The following ENTPD5 variants were observed in gnomAD, a reference collection of about 807,000 sequenced individuals.
The protein encoded by ENTPD5 is ectonucleoside triphosphate diphosphohydrolase 5 (inactive).
Under a neutral mutation model 60.2 loss-of-function variants are expected in ENTPD5, and 49 were observed. The observed-to-expected ratio is 0.81, with a 90% CI of 0.65 to 1.03. The LOEUF (loss-of-function observed/expected upper bound fraction) is 1.03, where lower values mean the gene tolerates loss of function less well. Among genes scored for constraint, ENTPD5 ranks in the 50% least tolerant of loss-of-function variants. The pLI is 0.00. For synonymous variants in ENTPD5, 187 were observed against 185.4 expected (o/e 1.01, Z -0.07); for missense variants, 480 against 507.6 (o/e 0.95, Z 0.52).
chr14:73,967,639 T>G (rs975438715), intron 15 of ENTPD5, among the ~76,000 whole-genome samples: 2 of 150,864 alleles, frequency 1.3e-5, no homozygotes, highest in African/African-American at 4.9e-5. Flanking sequence ...AAACCCCGTC[T>G]CTACAAAAAA....
intron 3 of ENTPD5, among the ~76,000 whole-genome samples, chr14:74,000,710 C>G (rs778939905): frequency 6.7e-6 from 1 of 149,942 alleles, no homozygotes; most frequent in Non-Finnish European, 1.5e-5. Context: ...ACCTGGGAGG[C>G]GAGGCTGCAG....
chr14:73,999,347 G>T (rs775667109), intron 3 of ENTPD5, among the ~76,000 whole-genome samples: 5 of 151,928 alleles, frequency 3.3e-5, no homozygotes, highest in Non-Finnish European at 7.4e-5. Flanking sequence ...AATTAGCCAG[G>T]TGTGGTGGCA....
chr14:73,972,873 G>A lies in ENTPD5; in HGVS notation c.1027+11C>T. The A allele has an allele frequency of 5.0e-6, 8 of 1,613,592 alleles. No homozygotes were observed. The highest frequency in any genetic ancestry group is 6.8e-6 in the Non-Finnish European group (8 of 1,179,680). On this transcript the variant is annotated intron_variant, in intron 13 of 15. Coordinates refer to ENST00000334696, the MANE Select transcript of ENTPD5 (RefSeq NM_001249.5). ...CCTTCCTCTCTGGACTGACACCTGG[G>A]GTGAACTCACCAATCATGTCTGTGT...
At chr14:73,960,886 G>A (rs750293317), downstream of ENTPD5, 1 of 508,670 alleles carries the variant, frequency 2.0e-6, no homozygotes, top group Non-Finnish European at 3.6e-6. Flanking sequence ...TGTGTGATGA[G>A]CTATACTGTG....
chr14:74,005,004 A>C (rs1285265237), intron 3 of ENTPD5, among the ~76,000 whole-genome samples: 2 of 152,142 alleles, frequency 1.3e-5, no homozygotes. Context: ...TATTTCAATA[A>C]ACACATCTTA....
chr14:73,955,834 A>T, downstream of ENTPD5: 2 of 1,614,066 alleles, frequency 1.2e-6, no homozygotes, highest in Non-Finnish European at 1.7e-6. Flanking sequence ...AGGCCCTGAT[A>T]ATGTTTGATA....
intron 1 of ENTPD5, among the ~76,000 whole-genome samples, chr14:74,016,740 T>TCA (rs977984840): frequency 2.0e-5 from 3 of 152,206 alleles, no homozygotes; most frequent in Non-Finnish European, 4.4e-5. Flanking sequence ...ATTTTTATGT[T>TCA]CATACATTAA....
In ENTPD5 at chr14:73,977,073, A is replaced by C. The variant is rs776619676; in HGVS notation, c.518-14T>G. On this transcript the variant is annotated splice_polypyrimidine_tract_variant and intron_variant, in intron 7 of 15. Transcript: ENST00000334696. ...AAGCTAATATGCCTAAAAAGAAAGA[A>C]AGACAAGGATTAGATCCCAGAGCAT... The C allele has an allele frequency of 2.5e-6, 4 of 1,612,982 alleles. No individual in the cohort carries two copies. Among genetic ancestry groups the C allele is most frequent in the South Asian group, 2.2e-5 (2 of 90,752 alleles).
At chr14:74,011,803 T>A (rs191934027) in intron 2 of ENTPD5, among the ~76,000 whole-genome samples, 1 of 152,208 alleles carries the variant, frequency 6.6e-6, no homozygotes, top group African/African-American at 2.4e-5. Context: ...CACAGTATGA[T>A]CAATGAGTGG....
At chr14:74,009,587 G>C (rs1306320837) in intron 3 of ENTPD5, among the ~76,000 whole-genome samples, 1 of 152,110 alleles carries the variant, frequency 6.6e-6, no homozygotes, top group East Asian at 1.9e-4. Context: ...GCTTTAAAAT[G>C]CTTTCCTTCT....
Position 73,966,282 on chromosome 14 carries a change from C to T in ENTPD5, c.*646G>A, listed in dbSNP as rs75705334. 1 of 152,310 alleles carries T rather than the reference C, an allele frequency of 6.6e-6. No individual in the cohort carries two copies. Among genetic ancestry groups the T allele is most frequent in the East Asian group, 1.9e-4 (1 of 5,180 alleles). 9.4% of individuals were successfully genotyped at this position (152,310 alleles called of 1,614,324 possible). On this transcript the variant is annotated 3_prime_UTR_variant, in exon 16 of 16. Coordinates refer to ENST00000334696, the MANE Select transcript of ENTPD5 (RefSeq NM_001249.5). ...AGCCACACCCTCCCAAAACATGTCC[C>T]CAGAGACCGGGTGGCCTTCTTTCTT...
chr14:73,957,132 C>T (rs982998622), downstream of ENTPD5, among the ~76,000 whole-genome samples: 2 of 150,576 alleles, frequency 1.3e-5, no homozygotes, highest in Non-Finnish European at 2.9e-5. Flanking sequence ...GAGTCTCGCT[C>T]TGTCGCCCAG....
At chr14:74,014,834 C>T (rs1199024664) in intron 2 of ENTPD5, among the ~76,000 whole-genome samples, 22 of 152,198 alleles carry the variant, frequency 1.4e-4, no homozygotes, top group African/African-American at 5.1e-4. Context: ...AATCTCAGCA[C>T]TTTGGGAAGC....
At chr14:73,988,773 A>C (rs1201922199) in intron 3 of ENTPD5, among the ~76,000 whole-genome samples, 1 of 152,122 alleles carries the variant, frequency 6.6e-6, no homozygotes, top group South Asian at 2.1e-4. Flanking sequence ...CATGCAGTAT[A>C]TATCTTTCTG....
intron 8 of ENTPD5, among the ~76,000 whole-genome samples, 153 bp downstream of exon 8, chr14:73,976,871 G>A (rs1166904912): frequency 6.6e-6 from 1 of 152,132 alleles, no homozygotes; most frequent in Non-Finnish European, 1.5e-5. Flanking sequence ...CTCCCAAAGC[G>A]CTGGAATTAA....
intron 5 of ENTPD5, among the ~76,000 whole-genome samples, chr14:73,984,579 G>T (rs1158086276): frequency 2.0e-5 from 3 of 152,048 alleles, no homozygotes; most frequent in African/African-American, 4.8e-5. Context: ...ATATCTGACT[G>T]CCCTTTGATC....
intron 5 of ENTPD5, among the ~76,000 whole-genome samples, chr14:73,983,903 C>G (rs1337389477): frequency 6.6e-6 from 1 of 151,974 alleles, no homozygotes; most frequent in African/African-American, 2.4e-5. Context: ...CTTGGCCAGG[C>G]TGGTCTCGAA....
chr14:74,011,635 A>ATTTG (rs2058849031), intron 2 of ENTPD5, among the ~76,000 whole-genome samples: 2 of 152,124 alleles, frequency 1.3e-5, no homozygotes, highest in African/African-American at 2.4e-5. Context: ...CATCTCTACA[A>ATTTG]AATATAAAAA....
chr14:73,975,989 G>C lies in ENTPD5; in HGVS notation c.669C>G (p.Gly223=). 1 of 1,613,542 alleles carries C rather than the reference G, an allele frequency of 6.2e-7. No homozygotes were observed. The highest frequency in any genetic ancestry group is 1.1e-5 in the South Asian group (1 of 91,078). The part of the protein sequence containing the change: ...FEKTLEQTPR[G]YLTSFEMFNS... ...TAAACATCTCAAAGGAAGTGAGGTAGCCCCTAGGAGTTTGTTCCAGAGTTT... is the reference window on the plus strand; with the variant it reads ...TAAACATCTCAAAGGAAGTGAGGTACCCCCTAGGAGTTTGTTCCAGAGTTT... Residue 223 remains glycine, a synonymous_variant, in exon 10 of 16, where the codon GGC becomes GGG. Transcript: ENST00000334696.
Sources: allele counts gnomAD v4.1 joint callset (sites outside exome capture counted in the v4.1 genomes callset), GRCh38; gene constraint gnomAD v4.1.1; transcripts MANE v1.5; gene names NCBI Gene and HGNC (gene_info 2026-07-23, HGNC 2026-07-21).